ATP6V1H: variants seen among roughly 807,000 people sequenced by gnomAD.
The protein encoded by ATP6V1H is ATPase H+ transporting V1 subunit H.
ATP6V1H carries 39 observed loss-of-function variants against 71.7 expected under a neutral mutation model. The ratio of observed to expected loss-of-function variants is 0.54; its 90% CI spans 0.42 to 0.71. The LOEUF (loss-of-function observed/expected upper bound fraction) is 0.71, where lower values mean the gene tolerates loss of function less well. Among genes scored for constraint, ATP6V1H ranks in the 30% least tolerant of loss-of-function variants. ATP6V1H has a pLI of 0.00. For missense variants in ATP6V1H, 509 were observed against 594.9 expected (o/e 0.86, Z 1.50); for synonymous variants, 192 against 199.3 (o/e 0.96, Z 0.31).
chr8:53,767,159 A>C (rs1288986377), intron 11 of ATP6V1H, among the ~76,000 whole-genome samples: 1 of 152,234 alleles, frequency 6.6e-6, no homozygotes, highest in Non-Finnish European at 1.5e-5. Flanking sequence ...AATAGAAAAG[A>C]ACCTACGTGA....
chr8:53,838,052 C>T (rs1811217653), intron 2 of ATP6V1H, among the ~76,000 whole-genome samples: 1 of 152,080 alleles, frequency 6.6e-6, no homozygotes, highest in African/African-American at 2.4e-5. Context: ...TCCTCCCAGG[C>T]CTCAGCTCCC....
chr8:53,767,523 T>C (rs149584840), intron 11 of ATP6V1H, among the ~76,000 whole-genome samples: 152 of 152,034 alleles, frequency 1.0e-3, no homozygotes, highest in African/African-American at 3.5e-3. Context: ...GATACACTCT[T>C]TTTTTTTATA....
intron 8 of ATP6V1H, among the ~76,000 whole-genome samples, chr8:53,797,635 C>G (rs1809784319): frequency 6.6e-6 from 1 of 152,118 alleles, no homozygotes; most frequent in African/African-American, 2.4e-5. Context: ...ATCACCCACC[C>G]CACCTTATGG....
intron 4 of ATP6V1H, among the ~76,000 whole-genome samples, chr8:53,825,833 T>C (rs1169257791): frequency 6.6e-6 from 1 of 152,078 alleles, no homozygotes; most frequent in Non-Finnish European, 1.5e-5. Flanking sequence ...ACTGTAAACT[T>C]GGGTATAAGG....
intron 9 of ATP6V1H, among the ~76,000 whole-genome samples, chr8:53,784,158 A>T (rs1347137226): frequency 6.6e-6 from 1 of 152,170 alleles, no homozygotes; most frequent in African/African-American, 2.4e-5. Flanking sequence ...GTCTCCCATT[A>T]TTATTGTGTG....
At chr8:53,742,071 T>C (rs1196184489) in intron 13 of ATP6V1H, among the ~76,000 whole-genome samples, 1 of 151,686 alleles carries the variant, frequency 6.6e-6, no homozygotes, top group Non-Finnish European at 1.5e-5. Context: ...TTTCAACTCA[T>C]CTTACAGGAG....
At chr8:53,778,054 A>G (rs1808956113) in intron 9 of ATP6V1H, among the ~76,000 whole-genome samples, 1 of 152,234 alleles carries the variant, frequency 6.6e-6, no homozygotes, top group Non-Finnish European at 1.5e-5. Flanking sequence ...ACTGTAGCAT[A>G]AAAGACTACA....
At chr8:53,821,298 G>A (rs1023950433) in intron 4 of ATP6V1H, among the ~76,000 whole-genome samples, 3 of 151,224 alleles carry the variant, frequency 2.0e-5, no homozygotes, top group Non-Finnish European at 4.4e-5. Flanking sequence ...ATTTGAACCC[G>A]GGAGGTGGAG....
At chr8:53,717,403 A>G (rs944448364) in intron 13 of ATP6V1H, among the ~76,000 whole-genome samples, 1 of 152,154 alleles carries the variant, frequency 6.6e-6, no homozygotes, top group Non-Finnish European at 1.5e-5. Context: ...TTTTAATACC[A>G]TGAGACTGAA....
chr8:53,784,071 A>G (rs1488002494), intron 9 of ATP6V1H, among the ~76,000 whole-genome samples: 1 of 108,158 alleles, frequency 9.2e-6, no homozygotes, highest in Non-Finnish European at 1.9e-5. Flanking sequence ...CTTGGTGCAG[A>G]GCTGAGTTCA....
At chr8:53,759,074 C>T (rs1808173113) in intron 11 of ATP6V1H, among the ~76,000 whole-genome samples, 2 of 152,324 alleles carry the variant, frequency 1.3e-5, no homozygotes, top group Middle Eastern at 3.4e-3. Context: ...TGATCACAGA[C>T]CCTAATCTAG....
intron 13 of ATP6V1H, among the ~76,000 whole-genome samples, chr8:53,733,088 A>C (rs1585726266): frequency 6.6e-6 from 1 of 152,082 alleles, no homozygotes; most frequent in African/African-American, 2.4e-5. Context: ...CTGAAAGAAT[A>C]CCCCAGCTTA....
intron 9 of ATP6V1H, among the ~76,000 whole-genome samples, chr8:53,783,311 T>G (rs1809238174): frequency 6.6e-6 from 1 of 152,228 alleles, no homozygotes; most frequent in Non-Finnish European, 1.5e-5. Flanking sequence ...TTCTTCTAGA[T>G]TTTCTAGTTT....
chr8:53,728,469 T>G (rs1255060308), intron 13 of ATP6V1H, among the ~76,000 whole-genome samples: 2 of 152,244 alleles, frequency 1.3e-5, no homozygotes, highest in African/African-American at 4.8e-5. Flanking sequence ...AAATAAAATA[T>G]TATTAAAATT....
chr8:53,831,943 C>T lies in ATP6V1H; in HGVS notation c.216+1041G>A, dbSNP rs554579486. 7.9e-5 allele frequency: 12 copies of T among 151,404 alleles called. No individual in the cohort carries two copies. The East Asian group carries it at 1.7e-3, about 22-fold the overall frequency. 9.4% of individuals were successfully genotyped at this position (151,404 alleles called of 1,614,324 possible). On this transcript the variant is annotated intron_variant, in intron 3 of 13. Coordinates refer to ENST00000359530, the MANE Select transcript of ATP6V1H (RefSeq NM_015941.4). ...ATTAATTATGAGATTACTAACTGTT[C>T]GCCTCAAAACAGAAAAAAAAGGAAG...
At chr8:53,784,017 C>T (rs918801749) in intron 9 of ATP6V1H, among the ~76,000 whole-genome samples, 8 of 152,106 alleles carry the variant, frequency 5.3e-5, no homozygotes, top group African/African-American at 7.2e-5. Context: ...AAGTATATTC[C>T]GTTGATTTGG....
At chr8:53,757,995 C>T (rs946235660) in intron 11 of ATP6V1H, among the ~76,000 whole-genome samples, 4 of 152,212 alleles carry the variant, frequency 2.6e-5, no homozygotes, top group Non-Finnish European at 5.9e-5. Context: ...GGCCTGCTGA[C>T]CCTAGTTCCT....
chr8:53,760,529 T>C (rs886563534), intron 11 of ATP6V1H, among the ~76,000 whole-genome samples: 4 of 152,198 alleles, frequency 2.6e-5, no homozygotes, highest in African/African-American at 9.7e-5. Context: ...TTTCCTTATA[T>C]TCCTGTTCTA....
At chr8:53,801,283 ATC>A (rs1809900579) in intron 8 of ATP6V1H, among the ~76,000 whole-genome samples, 1 of 152,200 alleles carries the variant, frequency 6.6e-6, no homozygotes, top group Non-Finnish European at 1.5e-5. Flanking sequence ...AAGCAGTTAG[ATC>A]TCTCATGAAC....
Sources: allele counts gnomAD v4.1 joint callset (sites outside exome capture counted in the v4.1 genomes callset), GRCh38; gene constraint gnomAD v4.1.1; transcripts MANE v1.5; gene names NCBI Gene and HGNC (gene_info 2026-07-23, HGNC 2026-07-21).